PFKFB3: variants seen among roughly 807,000 people sequenced by gnomAD.
PFKFB3 encodes 6-phosphofructo-2-kinase/fructose-2,6-bisphosphatase 3.
A neutral mutation model predicts 68.0 loss-of-function variants in PFKFB3; 33 were observed. The observed-to-expected ratio is 0.49, with a 90% CI of 0.37 to 0.65. The LOEUF (loss-of-function observed/expected upper bound fraction) is 0.65. Among genes scored for constraint, PFKFB3 ranks in the 30% least tolerant of loss-of-function variants. The pLI is 0.00. For missense variants in PFKFB3, 586 were observed against 712.2 expected, an observed-to-expected ratio of 0.82 and a Z score of 2.02; for synonymous variants, 315 against 288.2, an observed-to-expected ratio of 1.09 and a Z score of -0.94.
chr10:6,197,993 A>G (rs1002713614), upstream of PFKFB3, among the ~76,000 whole-genome samples: 3 of 152,096 alleles, frequency 2.0e-5, no homozygotes, highest in East Asian at 5.8e-4. Context: ...ATTCTTTTCT[A>G]TTTTCTGGAA....
chr10:6,304,386 T>G, the PFKFB3 span, among the ~76,000 whole-genome samples: 16 of 151,716 alleles, frequency 1.1e-4, no homozygotes, highest in Non-Finnish European at 2.4e-4. Context: ...TAAGAATCCA[T>G]CTATCTTTCT....
intron 6 of PFKFB3, 37 bp from the exon 7 acceptor site, chr10:6,219,532 A>G (rs1315776742): frequency 6.2e-7 from 1 of 1,613,242 alleles, no homozygotes; most frequent in Non-Finnish European, 8.5e-7. Flanking sequence ...AAAGCCTTCC[A>G]GCGTGATTTA....
chr10:6,219,284 C>G (rs1250858665), intron 6 of PFKFB3, among the ~76,000 whole-genome samples: 1 of 152,234 alleles, frequency 6.6e-6, no homozygotes, highest in African/African-American at 2.4e-5. Context: ...GGGACAGATC[C>G]TGACTTGCTG....
intron 2 of PFKFB3, among the ~76,000 whole-genome samples, 173 bp downstream of exon 2, chr10:6,213,921 T>C (rs1220413972): frequency 6.6e-6 from 1 of 152,096 alleles, no homozygotes; most frequent in Admixed American, 6.6e-5. Context: ...ACACCCTTTT[T>C]CTTCTGTTGG....
chr10:6,241,512 A>G (rs1442452499), intron 14 of PFKFB3, among the ~76,000 whole-genome samples: 4 of 152,210 alleles, frequency 2.6e-5, no homozygotes, highest in African/African-American at 9.6e-5. Context: ...AGGGAGCAGT[A>G]TCAAAGAATC....
the PFKFB3 span, among the ~76,000 whole-genome samples, chr10:6,282,768 G>A: frequency 6.6e-6 from 1 of 152,138 alleles, no homozygotes; most frequent in East Asian, 1.9e-4. Context: ...ACCCTGACTT[G>A]GCAAAATTAT....
intron 1 of PFKFB3, among the ~76,000 whole-genome samples, chr10:6,179,544 G>T (rs1842644328): frequency 6.6e-6 from 1 of 152,220 alleles, no homozygotes; most frequent in Non-Finnish European, 1.5e-5. Flanking sequence ...GGAATGAACA[G>T]AAGGGTTTCT....
At chr10:6,241,529 C>T (rs895550320) in intron 14 of PFKFB3, among the ~76,000 whole-genome samples, 7 of 152,132 alleles carry the variant, frequency 4.6e-5, no homozygotes, top group Non-Finnish European at 1.0e-4. Flanking sequence ...AATCTGTGGC[C>T]ATGTGTTAAA....
chr10:6,167,058 G>C (rs1232678553), intron 1 of PFKFB3, among the ~76,000 whole-genome samples: 1 of 152,152 alleles, frequency 6.6e-6, no homozygotes, highest in Non-Finnish European at 1.5e-5. Flanking sequence ...CATCTCAGGT[G>C]ATGGGCCCGC....
chr10:6,274,680 A>C, the PFKFB3 span, among the ~76,000 whole-genome samples: 6,830 of 152,160 alleles, frequency 0.045, 292 homozygotes, highest in South Asian at 0.18. Context: ...GACCCCATCT[A>C]AAAAGAATTA....
At chr10:6,183,057 A>G (rs1842764407) in intron 1 of PFKFB3, among the ~76,000 whole-genome samples, 1 of 152,194 alleles carries the variant, frequency 6.6e-6, no homozygotes, top group Non-Finnish European at 1.5e-5. Context: ...CAAACCTAGG[A>G]GACTTGGTCC....
rs1845900035 is a variant in PFKFB3, at chr10:6,234,144, ACC to A, written c.*1204_*1205del. ...TGTTGGTTTCTCCTCATTGCCTCAA[ACC>A]CTGGGGTAGGTGGGACGGGGGGTCT... is the stretch of plus-strand genomic sequence containing the variant. On this transcript the variant is annotated 3_prime_UTR_variant, in exon 15 of 15. Transcript: ENST00000379775. 6.6e-6 allele frequency: 1 copy of A among 152,290 alleles called. No individual in the cohort carries two copies. Among genetic ancestry groups the A allele is most frequent in the Non-Finnish European group, 1.5e-5 (1 of 68,062 alleles). The allele number at this position is 152,290 out of a possible 1,614,324, so 9.4% of individuals were successfully genotyped here.
intron 1 of PFKFB3, among the ~76,000 whole-genome samples, chr10:6,193,932 T>G (rs1843099525): frequency 6.6e-6 from 1 of 152,254 alleles, no homozygotes; most frequent in African/African-American, 2.4e-5. Context: ...TTTTCACTTC[T>G]GTGAATCTTC....
At chr10:6,225,992 G>A (rs973041961) in intron 13 of PFKFB3, among the ~76,000 whole-genome samples, 200 bp from the exon 14 acceptor site, 19 of 152,190 alleles carry the variant, frequency 1.2e-4, no homozygotes, top group African/African-American at 4.6e-4. Context: ...GGCATGGGAG[G>A]GAATTGCCCC....
chr10:6,267,954 C>CAAAAAAA, the PFKFB3 span, among the ~76,000 whole-genome samples: 8 of 85,896 alleles, frequency 9.3e-5, 1 homozygote, highest in South Asian at 5.2e-4. Context: ...GACCCTATCT[C>CAAAAAAA]AAAAAAAAAA....
chr10:6,306,123 TC>T, the PFKFB3 span, among the ~76,000 whole-genome samples: 1 of 152,186 alleles, frequency 6.6e-6, no homozygotes. Context: ...AGCCTCAAAC[TC>T]CTGGGCTTAA....
Position 6,215,443 on chromosome 10 carries a change from CTG to C in PFKFB3, c.299+127_299+128del. The stretch of plus-strand genomic sequence containing the variant: ...GCTGGGCTGTGGGAATAAGGCTGGG[CTG>C]CGGGGCTGCGGGTGTAAGGCTGGGC... On this transcript the variant is annotated intron_variant, in intron 3 of 14. Transcript: ENST00000379775. This position sits in a 1 kb window ranked among gnomAD's most constrained non-coding sequence, Gnocchi z 4.3. 3 of 704,212 alleles carry C rather than the reference CTG, an allele frequency of 4.3e-6. No homozygotes were observed. Among genetic ancestry groups the C allele is most frequent in the Non-Finnish European group, 7.5e-6 (3 of 400,742 alleles). 43.6% of individuals were successfully genotyped at this position (704,212 alleles called of 1,614,324 possible). A position where few individuals can be genotyped will look rare whatever the true frequency, so the allele number is the denominator to read the frequency against.
chr10:6,169,935 T>G (rs1588413727), intron 1 of PFKFB3, among the ~76,000 whole-genome samples: 3 of 152,194 alleles, frequency 2.0e-5, no homozygotes, highest in Non-Finnish European at 4.4e-5. Context: ...ATTGAAACAT[T>G]GGGAGTGCAC....
chr10:6,158,913 G>A (rs151139527), intron 1 of PFKFB3, among the ~76,000 whole-genome samples: 22 of 151,474 alleles, frequency 1.5e-4, no homozygotes, highest in African/African-American at 4.1e-4. Flanking sequence ...CAGCAATACC[G>A]TTCCTAGTAT....
Sources: allele counts gnomAD v4.1 joint callset (sites outside exome capture counted in the v4.1 genomes callset), GRCh38; gene constraint gnomAD v4.1.1; non-coding constraint Gnocchi (gnomAD v3.1); transcripts MANE v1.5; gene names NCBI Gene and HGNC (gene_info 2026-07-23, HGNC 2026-07-21).